AGL: variants seen among roughly 807,000 people sequenced by gnomAD.
AGL encodes the protein glycogen debranching enzyme.
A neutral mutation model predicts 199.3 loss-of-function variants in AGL; 128 were observed. The ratio of observed to expected loss-of-function variants is 0.64; its 90% CI spans 0.56 to 0.74. The LOEUF (loss-of-function observed/expected upper bound fraction) is 0.74, where lower values mean the gene tolerates loss of function less well. Among genes scored for constraint, AGL ranks in the 30% least tolerant of loss-of-function variants. The pLI is 0.00. For missense variants in AGL, 1,809 were observed against 1,820.8 expected (o/e 0.99, Z 0.12); for synonymous variants, 584 against 594.7 (o/e 0.98, Z 0.26).
rs752964406 is a variant in AGL, at chr1:99,861,555, C to G, written c.135C>G (p.Thr45=). ...CAACTTTACAGGGAAAAGCAGTTAC[C>G]GTGTATACAAATTACCCATTTCCTG... ...LGPTLQGKAV[T]VYTNYPFPGE... The change falls in exon 3 of 34, where the codon ACC becomes ACG. Residue 45 remains threonine (T), a synonymous_variant. Coordinates refer to ENST00000361915, the MANE Select transcript of AGL (RefSeq NM_000642.3). The G allele has an allele frequency of 6.2e-7, 1 of 1,613,720 alleles. No homozygotes were observed. The highest frequency in any genetic ancestry group is 8.5e-7 in the Non-Finnish European group (1 of 1,179,924).
rs769643701 is a variant in AGL at position 99,892,420 on chromosome 1, CT to C, written c.3084-8del. Reference sequence around the variant, plus strand: ...TTTCTACAAGTAATAAATTCAATCACTTTTGTTACAGCTTTGTTCAGAATGG... The same window carrying C: ...TTTCTACAAGTAATAAATTCAATCACTTTGTTACAGCTTTGTTCAGAATGG... On this transcript the variant is annotated splice_polypyrimidine_tract_variant and intron_variant, in intron 23 of 33. Transcript: ENST00000361915. 8 of 1,612,118 alleles carry C rather than the reference CT, an allele frequency of 5.0e-6. No homozygotes were observed. In the African/African-American group the frequency reaches 1.1e-4, roughly 22 times the overall value.
At chr1:99,883,863 A>G (rs1319492305) in intron 17 of AGL, among the ~76,000 whole-genome samples, 1 of 152,190 alleles carries the variant, frequency 6.6e-6, no homozygotes, top group African/African-American at 2.4e-5. Context: ...GCTCAAAATT[A>G]GGAAGTTGTT....
Position 99,880,654 on chromosome 1 carries a change from T to C in AGL, c.1758T>C (p.Ser586=), listed in dbSNP as rs1402386421. 6 of 1,613,904 alleles carry C rather than the reference T, an allele frequency of 3.7e-6. No homozygotes were observed. The highest frequency in any genetic ancestry group is 8.5e-7 in the Non-Finnish European group (1 of 1,179,940). ...LIREAMSAYN[S]HEEGRLVYRY... is the part of the protein sequence containing the mutation. ...CAGAGGCAATGAGTGCATATAATAG[T>C]CATGAAGAGGGCAGATTAGTTTACC... Residue 586 remains serine (S), a synonymous_variant, in exon 14 of 34, where the codon AGT becomes AGC. Transcript: ENST00000361915.
intron 24 of AGL, among the ~76,000 whole-genome samples, chr1:99,895,849 AC>A (rs1653260291): frequency 6.6e-6 from 1 of 152,110 alleles, no homozygotes; most frequent in African/African-American, 2.4e-5. Context: ...GGTGGTGTCT[AC>A]CTGTAGTCTC....
rs528535096 is a variant in AGL, at chr1:99,895,361, ATAT to A, written c.3260-924_3260-922del. ...CATTAATCATACTATTTTATCTTGTATATAAAACCTCCAATTACCTAGAATGAA... is the reference window on the plus strand; with the variant it reads ...CATTAATCATACTATTTTATCTTGTAAAAACCTCCAATTACCTAGAATGAA... On this transcript the variant is annotated intron_variant, in intron 24 of 33. Transcript: ENST00000361915. Among the ~76,000 whole-genome samples the A allele has an allele frequency of 5.9e-4, 90 of 152,336 alleles. No homozygotes were observed. In the South Asian group the frequency reaches 0.018, roughly 31 times the overall value.
chr1:99,855,895 A>AT (rs1268813908), intron 2 of AGL, among the ~76,000 whole-genome samples: 1 of 152,134 alleles, frequency 6.6e-6, no homozygotes, highest in East Asian at 1.9e-4. Flanking sequence ...AATTTTTACT[A>AT]TTTTTTAAAG....
At chr1:99,862,675 T>C (rs930529830) in intron 4 of AGL, among the ~76,000 whole-genome samples, 2 of 152,100 alleles carry the variant, frequency 1.3e-5, no homozygotes, top group African/African-American at 4.8e-5. Flanking sequence ...ATGTCTTACA[T>C]GGCCAGAGAA....
intron 27 of AGL, among the ~76,000 whole-genome samples, chr1:99,905,169 T>A (rs142985486): frequency 2.4e-3 from 368 of 152,190 alleles, no homozygotes; most frequent in Non-Finnish European, 4.4e-3. Context: ...GCTGTTCAGA[T>A]AGCTTCATAG....
chr1:99,861,572 CATTTCCTG>C lies in AGL; in HGVS notation c.153_160del (p.Phe52ArgfsTer4). 1 of 1,613,964 alleles carries C rather than the reference CATTTCCTG, an allele frequency of 6.2e-7. No individual in the cohort carries two copies. The highest frequency in any genetic ancestry group is 8.5e-7 in the Non-Finnish European group (1 of 1,179,944). The stretch of plus-strand genomic sequence containing the variant: ...GCAGTTACCGTGTATACAAATTACC[CATTTCCTG>C]GAGAAACATTTAATAGAGAAAAATT... On this transcript the variant is annotated frameshift_variant, in exon 3 of 34. Transcript: ENST00000361915. LOFTEE classifies it high-confidence loss of function.
At position 99,864,425 on chromosome 1, in the gene AGL, G is replaced by A; in HGVS notation, c.500G>A (p.Gly167Glu). ...MIHFTPLQTLGLSRSCYSLAN... is the reference protein window; with the variant it reads ...MIHFTPLQTLELSRSCYSLAN... Reference sequence around the variant, plus strand: ...CATTTTACCCCATTGCAGACTCTTGGACTATCTAGGTCATGCTACTCCCTT... The same window carrying A: ...CATTTTACCCCATTGCAGACTCTTGAACTATCTAGGTCATGCTACTCCCTT... The change falls in exon 5 of 34, where the codon GGA (glycine) becomes GAA (glutamate). Residue 167 changes from glycine (G) to glutamate (E), a missense_variant. Physicochemically the swap from Gly to Glu is moderately conservative, Grantham distance 98 (BLOSUM62 -2). Coordinates refer to ENST00000361915, the MANE Select transcript of AGL (RefSeq NM_000642.3). 5 of 1,613,842 alleles carry A rather than the reference G, an allele frequency of 3.1e-6. 1 individual carries two copies. The South Asian group carries it at 5.5e-5, about 18-fold the overall frequency.
At chr1:99,882,476 A>G (rs1244830272) in intron 17 of AGL, among the ~76,000 whole-genome samples, 2 of 152,232 alleles carry the variant, frequency 1.3e-5, no homozygotes, top group East Asian at 1.9e-4. Flanking sequence ...TCCTAGCCCT[A>G]TGTCAGTCCA....
At chr1:99,887,874 ACTG>A (rs1652567247) in intron 20 of AGL, 101 bp from the exon 21 acceptor site, 1 of 1,320,422 alleles carries the variant, frequency 7.6e-7, no homozygotes. Flanking sequence ...TAAAACATAC[ACTG>A]CTAAGACATT....
intron 20 of AGL, among the ~76,000 whole-genome samples, chr1:99,885,493 G>C (rs1045654647): frequency 6.6e-6 from 1 of 152,130 alleles, no homozygotes; most frequent in African/African-American, 2.4e-5. Flanking sequence ...ACTGGTACTG[G>C]TCCATGGCCT....
rs749109793 is a variant in AGL, at chr1:99,862,348, C to T, written c.385C>T (p.Leu129Phe). 44 of 1,613,906 alleles carry T rather than the reference C, an allele frequency of 2.7e-5. No homozygotes were observed. The highest frequency in any genetic ancestry group is 3.3e-5 in the Non-Finnish European group (39 of 1,180,006). The change falls in exon 4 of 34, where the codon CTT becomes TTT. Residue 129 changes from leucine (L) to phenylalanine (F), a missense_variant. Leu to Phe is a conservative substitution (Grantham distance 22). Coordinates refer to ENST00000361915, the MANE Select transcript of AGL (RefSeq NM_000642.3). The stretch of plus-strand genomic sequence containing the variant: ...TGTGCTACCCTTGGACTGTGTTACT[C>T]TTCAGACATTTTTAGCTAAGTGTTT... ...NHVLPLDCVT[L>F]QTFLAKCLGP...
In AGL at chr1:99,922,834, A is replaced by G. The variant is rs528627569; in HGVS notation, c.*1183A>G. On this transcript the variant is annotated 3_prime_UTR_variant, in exon 34 of 34. Transcript: ENST00000361915. Reference sequence around the variant, plus strand: ...ATTGCTATATAATATTCAGTGGCTCATTTATACCTAATAAAATAATGGTAT... The same window carrying G: ...ATTGCTATATAATATTCAGTGGCTCGTTTATACCTAATAAAATAATGGTAT... 1 of 152,032 alleles carries G rather than the reference A, an allele frequency of 6.6e-6. No homozygotes were observed. Among genetic ancestry groups the G allele is most frequent in the Non-Finnish European group, 1.5e-5 (1 of 67,932 alleles). The allele number at this position is 152,032 out of a possible 1,614,324, so 9.4% of individuals were successfully genotyped here.
At chr1:99,865,152 A>C (rs1266664811) in intron 5 of AGL, among the ~76,000 whole-genome samples, 1 of 152,112 alleles carries the variant, frequency 6.6e-6, no homozygotes, top group African/African-American at 2.4e-5. Context: ...AGATAAAAAA[A>C]CACAAAATAT....
chr1:99,901,363 T>C (rs1570484179), intron 26 of AGL, among the ~76,000 whole-genome samples: 1 of 80,656 alleles, frequency 1.2e-5, no homozygotes, highest in South Asian at 3.7e-4. Context: ...CTAGGCAACA[T>C]AGCAAAACTC....
At chr1:99,911,272 T>C (rs1654734018) in intron 28 of AGL, among the ~76,000 whole-genome samples, 1 of 152,234 alleles carries the variant, frequency 6.6e-6, no homozygotes, top group South Asian at 2.1e-4. Flanking sequence ...TTTTTCCTAA[T>C]GTTTGTCATT....
At chr1:99,907,929 A>G (rs1409240097) in intron 27 of AGL, among the ~76,000 whole-genome samples, 1 of 151,814 alleles carries the variant, frequency 6.6e-6, no homozygotes, top group African/African-American at 2.4e-5. Context: ...AACACTTATT[A>G]GATATGGTTT....
Sources: gnomAD v4.1 joint callset for allele counts (sites outside exome capture counted in the v4.1 genomes callset) on GRCh38, gnomAD v4.1.1 for gene constraint, MANE v1.5 for transcripts, NCBI Gene and HGNC (gene_info 2026-07-23, HGNC 2026-07-21) for gene names.